Variants in FAM174A observed in about 807,000 individuals in gnomAD.
FAM174A encodes family with sequence similarity 174 member A, also known as membrane protein FAM174A.
FAM174A carries 14 observed loss-of-function variants against 14.3 expected under a neutral mutation model. The ratio of observed to expected loss-of-function variants is 0.98; its 90% CI spans 0.65 to 1.53. The LOEUF (loss-of-function observed/expected upper bound fraction) is 1.53, where lower values mean the gene tolerates loss of function less well. FAM174A is among the 40% of genes most tolerant of loss of function. The pLI is 0.00. For missense variants in FAM174A, 241 were observed against 249.6 expected (o/e 0.97, Z 0.23); for synonymous variants, 108 against 111.4 (o/e 0.97, Z 0.19).
chr5:100,561,560 C>T (rs1364425362), intron 1 of FAM174A, among the ~76,000 whole-genome samples: 2 of 151,862 alleles, frequency 1.3e-5, no homozygotes, highest in Non-Finnish European at 2.9e-5. Context: ...AAACATGGGA[C>T]TTTAAAAAAT....
rs1055117431 is a variant in FAM174A, at chr5:100,553,747, G to A, written c.435-8307G>A. 3.0e-4 allele frequency among the ~76,000 whole-genome samples: 46 copies of A among 152,182 alleles called. 1 individual carries two copies. The highest frequency in any genetic ancestry group is 1.1e-3 in the African/African-American group (45 of 41,554). ...ATTTACATACACATGTAAATTAAAG[G>A]ATAGAATAAAGAATAAAATGTTCAA... On this transcript the variant is annotated intron_variant, in intron 1 of 2. Transcript: ENST00000312637.
At chr5:100,549,718 G>A (rs1450432287) in intron 1 of FAM174A, among the ~76,000 whole-genome samples, 1 of 151,850 alleles carries the variant, frequency 6.6e-6, no homozygotes, top group East Asian at 1.9e-4. Flanking sequence ...GCACGTGGTC[G>A]AGATTGTGGT....
rs17156914 is a variant in FAM174A at position 100,550,452 on chromosome 5, A to G, written c.435-11602A>G. Among the ~76,000 whole-genome samples, 477 of 152,246 alleles carry G rather than the reference A, an allele frequency of 3.1e-3. 1 individual carries two copies. Among genetic ancestry groups the G allele is most frequent in the African/African-American group, 0.011 (453 of 41,544 alleles). The stretch of plus-strand genomic sequence containing the variant: ...AAATTTAGATATCTTTCTTATACAG[A>G]GAAAATGGAAGATATATTGCCAATC... On this transcript the variant is annotated intron_variant, in intron 1 of 2. Coordinates refer to ENST00000312637, the MANE Select transcript of FAM174A (RefSeq NM_198507.3).
At chr5:100,536,037 C>A (rs1745937149) in intron 1 of FAM174A, 73 bp downstream of exon 1, 1 of 1,354,132 alleles carries the variant, frequency 7.4e-7, no homozygotes, top group South Asian at 1.5e-5. Flanking sequence ...GCAAGGCTGA[C>A]TTCTGTGACC....
chr5:100,552,374 G>GTAT (rs1746281600), intron 1 of FAM174A, among the ~76,000 whole-genome samples: 1 of 151,918 alleles, frequency 6.6e-6, no homozygotes, highest in Non-Finnish European at 1.5e-5. Flanking sequence ...GGGGGAGTGT[G>GTAT]TATATGTGTG....
At chr5:100,553,178 C>T (rs1190573160) in intron 1 of FAM174A, among the ~76,000 whole-genome samples, 2 of 152,000 alleles carry the variant, frequency 1.3e-5, no homozygotes, top group Non-Finnish European at 2.9e-5. Context: ...ATTAAAATTG[C>T]ACAGATATTA....
At chr5:100,538,915 C>T (rs571530897) in intron 1 of FAM174A, among the ~76,000 whole-genome samples, 4 of 152,090 alleles carry the variant, frequency 2.6e-5, no homozygotes, top group East Asian at 3.9e-4. Context: ...GGTTTTAGCA[C>T]GTATGGTAAT....
chr5:100,565,419 G>C (rs1009222097), intron 2 of FAM174A, among the ~76,000 whole-genome samples: 1 of 151,722 alleles, frequency 6.6e-6, no homozygotes, highest in Admixed American at 6.6e-5. Flanking sequence ...AACCATATAT[G>C]TATATACATA....
intron 2 of FAM174A, among the ~76,000 whole-genome samples, chr5:100,566,036 G>C (rs1003610256): frequency 2.0e-5 from 3 of 150,108 alleles, no homozygotes; most frequent in Non-Finnish European, 4.4e-5. Context: ...CTCCCACCAG[G>C]TTCCTTCCAT....
intron 2 of FAM174A, among the ~76,000 whole-genome samples, chr5:100,581,824 C>T (rs905107326): frequency 2.0e-5 from 3 of 152,012 alleles, no homozygotes; most frequent in Non-Finnish European, 2.9e-5. Context: ...GTCATACAGT[C>T]TTATAAATAT....
intron 2 of FAM174A, among the ~76,000 whole-genome samples, chr5:100,566,488 G>A (rs1746654144): frequency 6.6e-6 from 1 of 151,612 alleles, no homozygotes; most frequent in African/African-American, 2.4e-5. Flanking sequence ...AGATGAATAA[G>A]CTATGCAAGA....
chr5:100,564,773 T>G (rs1046279769), intron 2 of FAM174A, among the ~76,000 whole-genome samples: 5 of 151,754 alleles, frequency 3.3e-5, no homozygotes, highest in African/African-American at 1.2e-4. Flanking sequence ...TTTGATAACC[T>G]AGAAAAATAG....
chr5:100,537,416 G>C (rs13355936), intron 1 of FAM174A, among the ~76,000 whole-genome samples: 9,896 of 152,034 alleles, frequency 0.065, 409 homozygotes, highest in African/African-American at 0.11. Flanking sequence ...CTTGTAATGT[G>C]TTTACTATTA....
At chr5:100,543,884 T>C (rs1402884987) in intron 1 of FAM174A, among the ~76,000 whole-genome samples, 1 of 152,210 alleles carries the variant, frequency 6.6e-6, no homozygotes, top group Non-Finnish European at 1.5e-5. Flanking sequence ...GAACATGTAC[T>C]CTACTGGGAA....
intron 1 of FAM174A, among the ~76,000 whole-genome samples, chr5:100,547,461 G>A (rs1267728891): frequency 2.6e-5 from 4 of 152,060 alleles, no homozygotes; most frequent in Non-Finnish European, 5.9e-5. Context: ...TTCAATTTGG[G>A]CTGCCAAATC....
In FAM174A at chr5:100,568,987, A is replaced by T. The variant is rs75087464; in HGVS notation, c.569+6799A>T. Among the ~76,000 whole-genome samples, 1,278 of 151,994 alleles carry T rather than the reference A, an allele frequency of 8.4e-3. 16 individuals carry two copies. The highest frequency in any genetic ancestry group is 0.029 in the African/African-American group (1,218 of 41,514). ...CACTAACATGCTTCCAAAAGTTAATACTATACATGAAACTTAAACACACAC... is the reference window on the plus strand; with the variant it reads ...CACTAACATGCTTCCAAAAGTTAATTCTATACATGAAACTTAAACACACAC... On this transcript the variant is annotated intron_variant, in intron 2 of 2. Transcript: ENST00000312637.
rs184778255 is a variant in FAM174A, at chr5:100,553,374, T to C, written c.435-8680T>C. Among the ~76,000 whole-genome samples, 499 of 152,244 alleles carry C rather than the reference T, an allele frequency of 3.3e-3. 4 individuals are homozygous for C. The highest frequency in any genetic ancestry group is 0.011 in the African/African-American group (466 of 41,592). On this transcript the variant is annotated intron_variant, in intron 1 of 2. Coordinates refer to ENST00000312637, the MANE Select transcript of FAM174A (RefSeq NM_198507.3). ...TTGAAAGCTTTGAAATTGCTTTTTT[T>C]CTTCCTTGAGATGAATCACCCCATA...
intron 1 of FAM174A, among the ~76,000 whole-genome samples, chr5:100,549,229 T>C (rs1365553900): frequency 6.6e-6 from 1 of 152,090 alleles, no homozygotes; most frequent in Non-Finnish European, 1.5e-5. Context: ...GAACTGTAGA[T>C]AGAACTTTAA....
intron 2 of FAM174A, among the ~76,000 whole-genome samples, chr5:100,564,819 A>C (rs559958589): frequency 9.9e-5 from 15 of 151,914 alleles, no homozygotes; most frequent in Non-Finnish European, 1.6e-4. Context: ...ATGAAACTTG[A>C]ATCAAAAAGA....
Sources: gnomAD v4.1 joint callset for allele counts (sites outside exome capture counted in the v4.1 genomes callset) on GRCh38, gnomAD v4.1.1 for gene constraint, MANE v1.5 for transcripts, NCBI Gene and HGNC (gene_info 2026-07-23, HGNC 2026-07-21) for gene names.